Variants in SGCD observed in about 807,000 individuals in gnomAD.
SGCD encodes sarcoglycan delta, also known as delta-sarcoglycan.
In SGCD, 18 loss-of-function variants were observed where a neutral mutation model predicts 36.6. The observed-to-expected ratio is 0.49, with a 90% confidence interval of 0.34 to 0.73. SGCD has a LOEUF of 0.73. Ranked by LOEUF, SGCD falls within the 30% of genes least tolerant of loss-of-function variation. The pLI, the probability that SGCD is intolerant of heterozygous loss-of-function variation, is 0.01. For synonymous variants in SGCD, 133 were observed against 130.6 expected (o/e 1.02, Z -0.12); for missense variants, 387 against 346.7 (o/e 1.12, Z -0.92).
intron 1 of SGCD, among the ~76,000 whole-genome samples, chr5:156,117,647 T>C (rs921899783): frequency 8.5e-5 from 13 of 152,108 alleles, no homozygotes; most frequent in African/African-American, 3.1e-4. Flanking sequence ...CTCTTTGAGA[T>C]AGATATCACC....
chr5:156,305,058 G>T (rs1403907272), intron 3 of SGCD, among the ~76,000 whole-genome samples: 1 of 152,154 alleles, frequency 6.6e-6, no homozygotes, highest in African/African-American at 2.4e-5. Context: ...CAGAAAATTT[G>T]CAGCCTGACA....
Position 156,713,185 on chromosome 5 carries a change from A to C in SGCD, c.576-44396A>C, listed in dbSNP as rs114661144. Among the ~76,000 whole-genome samples the C allele has an allele frequency of 2.3e-3, 353 of 152,246 alleles. 2 individuals are homozygous for C. The highest frequency in any genetic ancestry group is 8.1e-3 in the African/African-American group (337 of 41,544). On this transcript the variant is annotated intron_variant, in intron 7 of 8. Coordinates refer to ENST00000337851, the MANE Select transcript of SGCD (RefSeq NM_000337.6). ...TACGACTTGGCTAGGTAGGACAGACAAGAATTTCCTTCCCTACCCATCAGT... is the reference window on the plus strand; with the variant it reads ...TACGACTTGGCTAGGTAGGACAGACCAGAATTTCCTTCCCTACCCATCAGT...
intron 1 of SGCD, among the ~76,000 whole-genome samples, chr5:155,941,193 C>T (rs938502027): frequency 5.3e-5 from 8 of 152,126 alleles, no homozygotes; most frequent in African/African-American, 1.7e-4. Context: ...AACATACTCC[C>T]GTGATAATGA....
At chr5:156,713,637 CTGT>C (rs1423487216) in intron 7 of SGCD, among the ~76,000 whole-genome samples, 1 of 152,178 alleles carries the variant, frequency 6.6e-6, no homozygotes, top group Non-Finnish European at 1.5e-5. Context: ...CTGTTTGCAT[CTGT>C]TGTTTACTTC....
chr5:156,006,538 T>C (rs1050992426), intron 1 of SGCD, among the ~76,000 whole-genome samples: 2 of 152,192 alleles, frequency 1.3e-5, no homozygotes, highest in African/African-American at 4.8e-5. Flanking sequence ...TATCTAATCA[T>C]TTCCCATAGC....
chr5:156,505,592 G>A (rs1470942735), intron 3 of SGCD, among the ~76,000 whole-genome samples: 5 of 152,188 alleles, frequency 3.3e-5, no homozygotes, highest in African/African-American at 7.2e-5. Context: ...AGGCAGGGGC[G>A]GCTGCTGCTC....
At chr5:156,282,192 A>G (rs931390573) in intron 3 of SGCD, among the ~76,000 whole-genome samples, 1 of 152,190 alleles carries the variant, frequency 6.6e-6, no homozygotes, top group Admixed American at 6.5e-5. Flanking sequence ...CAGACACCAA[A>G]GGGTTCTCCA....
chr5:156,047,685 A>T lies in SGCD; in HGVS notation c.-281-70193A>T, dbSNP rs193274972. Among the ~76,000 whole-genome samples the T allele has an allele frequency of 3.4e-4, 52 of 152,248 alleles. 1 individual carries two copies. Among genetic ancestry groups the T allele is most frequent in the Admixed American group, 3.3e-3 (51 of 15,286 alleles). ...CTTTTCAAAATATTCCTGCGCATTG[A>T]CAATGCACCTGGCCATACAAGAGCT... On this transcript the variant is annotated intron_variant, in intron 1 of 9. Transcript: ENST00000517913.
chr5:156,361,113 G>A (rs973986583), intron 3 of SGCD, among the ~76,000 whole-genome samples: 1 of 152,198 alleles, frequency 6.6e-6, no homozygotes, highest in Non-Finnish European at 1.5e-5. Context: ...GGCCCCATAT[G>A]GAGCTTGCTC....
the SGCD span, among the ~76,000 whole-genome samples, chr5:155,848,721 G>C: frequency 1.3e-5 from 2 of 152,100 alleles, no homozygotes; most frequent in African/African-American, 4.8e-5. Flanking sequence ...TGAAATAAAT[G>C]AGAGTAAAGT....
intron 7 of SGCD, among the ~76,000 whole-genome samples, chr5:156,673,712 G>T (rs905003350): frequency 6.6e-6 from 1 of 152,066 alleles, no homozygotes. Flanking sequence ...ATAAATTCAG[G>T]GTCTTAAAAA....
chr5:156,601,824 C>T (rs546203376), intron 6 of SGCD, among the ~76,000 whole-genome samples: 1 of 152,098 alleles, frequency 6.6e-6, no homozygotes, highest in African/African-American at 2.4e-5. Context: ...GCTGGGCCTA[C>T]AGGCGCCTGC....
At chr5:156,331,120 G>A (rs1768050058) in intron 2 of SGCD, among the ~76,000 whole-genome samples, 1 of 152,186 alleles carries the variant, frequency 6.6e-6, no homozygotes, top group Non-Finnish European at 1.5e-5. Flanking sequence ...AAAACAAAGA[G>A]TTCAAACAAT....
At chr5:155,984,266 G>A (rs1429449841) in intron 1 of SGCD, among the ~76,000 whole-genome samples, 3 of 152,176 alleles carry the variant, frequency 2.0e-5, no homozygotes, top group African/African-American at 4.8e-5. Context: ...CTTTGTGGAT[G>A]AATAAACTGA....
chr5:156,181,738 C>T (rs1177186893), intron 3 of SGCD, among the ~76,000 whole-genome samples: 1 of 152,074 alleles, frequency 6.6e-6, no homozygotes, highest in African/African-American at 2.4e-5. Flanking sequence ...GCATGCAATG[C>T]TTGTTTAACC....
intron 3 of SGCD, among the ~76,000 whole-genome samples, chr5:156,400,720 G>A (rs547252316): frequency 6.6e-5 from 10 of 152,274 alleles, no homozygotes; most frequent in African/African-American, 1.9e-4. Flanking sequence ...CACATTGCTT[G>A]GCCCTGACAA....
chr5:155,767,966 A>T, the SGCD span, among the ~76,000 whole-genome samples: 1 of 152,182 alleles, frequency 6.6e-6, no homozygotes, highest in East Asian at 1.9e-4. Context: ...TATGTATTAT[A>T]TATAGAATTG....
Position 155,884,845 on chromosome 5 carries a change from T to C in SGCD, c.-282+14421T>C, listed in dbSNP as rs989753312. On this transcript the variant is annotated intron_variant, in intron 1 of 9. Coordinates refer to the SGCD transcript ENST00000517913. ...TTGTGATAATTAAATGAAAAGCATG[T>C]AACAAACAACGCAGTACCTGACAAA... Among the ~76,000 whole-genome samples, 2 of 54,792 alleles carry C rather than the reference T, an allele frequency of 3.7e-5. 1 individual carries two copies. Among genetic ancestry groups the C allele is most frequent in the Non-Finnish European group, 6.0e-5 (2 of 33,280 alleles). 35.9% of individuals were successfully genotyped at this position (54,792 alleles called of 152,430 possible).
In SGCD at chr5:156,353,407, C is replaced by T. The variant is rs749365758; in HGVS notation, c.192+8730C>T. Among the ~76,000 whole-genome samples, 24 of 152,210 alleles carry T rather than the reference C, an allele frequency of 1.6e-4. No individual in the cohort carries two copies. In the East Asian group the frequency reaches 3.9e-3, roughly 24 times the overall value. ...AAAAGGTATTTTTAATACAGACACTCGCTCTGTGTATCAACTACCTGCTAC... is the reference window on the plus strand; with the variant it reads ...AAAAGGTATTTTTAATACAGACACTTGCTCTGTGTATCAACTACCTGCTAC... On this transcript the variant is annotated intron_variant, in intron 3 of 8. Coordinates refer to ENST00000337851, the MANE Select transcript of SGCD (RefSeq NM_000337.6).
Sources: gnomAD v4.1 joint callset for allele counts (sites outside exome capture counted in the v4.1 genomes callset) on GRCh38, gnomAD v4.1.1 for gene constraint, MANE v1.5 for transcripts, NCBI Gene and HGNC (gene_info 2026-07-23, HGNC 2026-07-21) for gene names.